SREK1: variants seen among roughly 807,000 people sequenced by gnomAD.
SREK1 encodes splicing regulatory glutamine/lysine-rich protein 1.
SREK1 carries 13 observed loss-of-function variants against 66.5 expected under a neutral mutation model. The ratio of observed to expected loss-of-function variants is 0.20; its 90% CI spans 0.13 to 0.31. The LOEUF is 0.31. SREK1 is among the 10% of genes least tolerant of loss of function. The pLI, the probability that SREK1 is intolerant of heterozygous loss-of-function variation, is 1.00. For synonymous variants in SREK1, 265 were observed against 263.5 expected (o/e 1.01, Z -0.05); for missense variants, 607 against 769.6 (o/e 0.79, Z 2.50).
At position 66,154,097 on chromosome 5, in the gene SREK1, A is replaced by AT. The variant is rs532693728; in HGVS notation, c.295+501_295+502insT. On this transcript the variant is annotated intron_variant, in intron 2 of 11. Coordinates refer to ENST00000334121, the MANE Select transcript of SREK1 (RefSeq NM_001077199.3). Reference sequence around the variant, plus strand: ...GAGATCATTATTTTATATTCAATGTAATTGTTTGCTTTGCAACTGGAATTT... The same window carrying AT: ...GAGATCATTATTTTATATTCAATGTATATTGTTTGCTTTGCAACTGGAATTT... 9.5e-4 allele frequency among the ~76,000 whole-genome samples: 145 copies of AT among 152,262 alleles called. 1 individual carries two copies. The highest frequency in any genetic ancestry group is 3.4e-3 in the Middle Eastern group (1 of 294).
At chr5:66,171,067 C>T (rs191462520) in intron 9 of SREK1, 120 bp downstream of exon 9, 30 of 1,203,384 alleles carry the variant, frequency 2.5e-5, no homozygotes, top group Middle Eastern at 4.1e-4. Context: ...AATATAAGAA[C>T]ATTTTCTCCT....
intron 10 of SREK1, among the ~76,000 whole-genome samples, chr5:66,176,615 T>TA (rs1362317936): frequency 2.0e-5 from 3 of 152,160 alleles, no homozygotes; most frequent in Non-Finnish European, 4.4e-5. Context: ...CTCAGGGTGA[T>TA]ATGGCTGTAG....
chr5:66,176,649 T>C (rs1746078843), intron 10 of SREK1, among the ~76,000 whole-genome samples: 1 of 152,120 alleles, frequency 6.6e-6, no homozygotes, highest in Admixed American at 6.6e-5. Context: ...TATATCTTAT[T>C]AGGCCATCAT....
At chr5:66,171,406 G>A (rs1045669981) in intron 9 of SREK1, among the ~76,000 whole-genome samples, 2 of 151,970 alleles carry the variant, frequency 1.3e-5, no homozygotes, top group African/African-American at 4.8e-5. Context: ...TTTAAATTTT[G>A]GTCGTGTTTT....
chr5:66,157,117 A>T, intron 2 of SREK1: 3 of 948,348 alleles, frequency 3.2e-6, no homozygotes, highest in Non-Finnish European at 3.8e-6. Flanking sequence ...GAGTAATTAG[A>T]ATGGTAATTG....
At chr5:66,176,167 A>G (rs1746037061) in intron 10 of SREK1, among the ~76,000 whole-genome samples, 1 of 152,064 alleles carries the variant, frequency 6.6e-6, no homozygotes, top group Non-Finnish European at 1.5e-5. Flanking sequence ...TTGCAGTACC[A>G]TTTGTTAAAA....
chr5:66,145,295 C>A, intron 1 of SREK1: 1 of 416,486 alleles, frequency 2.4e-6, no homozygotes, highest in Non-Finnish European at 3.2e-6. Flanking sequence ...GGTAAAATTT[C>A]CCTCGTACGA....
chr5:66,162,044 G>T lies in SREK1; in HGVS notation c.412-65G>T, dbSNP rs879045873. 32 of 1,538,504 alleles carry T rather than the reference G, an allele frequency of 2.1e-5. No individual in the cohort carries two copies. The South Asian group carries it at 4.1e-4, about 20-fold the overall frequency. ...TTAGTTCATTCTTTTCAAGATTAGA[G>T]AATGGTATCTTTGGATACTAATAGA... On this transcript the variant is annotated intron_variant, in intron 3 of 11. Transcript: ENST00000334121.
chr5:66,172,128 A>G (rs1392048503), intron 9 of SREK1, among the ~76,000 whole-genome samples: 1 of 152,198 alleles, frequency 6.6e-6, no homozygotes, highest in African/African-American at 2.4e-5. Flanking sequence ...TTGAAGAATT[A>G]ATGTAACCTC....
At position 66,162,476 on chromosome 5, in the gene SREK1, G is replaced by C; in HGVS notation, c.639G>C (p.Arg213=). 6.2e-7 allele frequency: 1 copy of C among 1,614,108 alleles called. No individual in the cohort carries two copies. The stretch of plus-strand genomic sequence containing the variant: ...AAGTTGGAGAAGTGAAGTTTGTGCG[G>C]ATGGCAGGTGATGAGACTCAGCCAA... ...FKQVGEVKFV[R]MAGDETQPTR... The change falls in exon 5 of 12, where the codon CGG becomes CGC. Residue 213 remains arginine (R), a synonymous_variant. Transcript: ENST00000334121.
intron 1 of SREK1, among the ~76,000 whole-genome samples, chr5:66,151,484 TATG>T (rs1490911647): frequency 2.6e-5 from 4 of 152,166 alleles, no homozygotes; most frequent in Non-Finnish European, 4.4e-5. Context: ...ACTTGGGTAG[TATG>T]ATATCTTTTA....
intron 7 of SREK1, chr5:66,168,810 T>C (rs1745382351): frequency 6.6e-6 from 1 of 152,186 alleles, no homozygotes; most frequent in Non-Finnish European, 1.5e-5. Flanking sequence ...GGATATAAAG[T>C]TTACATTTAT....
chr5:66,170,193 A>G (rs758458591), intron 8 of SREK1, 23 bp downstream of exon 8: 3 of 1,597,762 alleles, frequency 1.9e-6, no homozygotes, highest in Non-Finnish European at 1.7e-6. Flanking sequence ...GAAATTAACA[A>G]TAATTTTTTT....
At position 66,144,550 on chromosome 5, in the gene SREK1, GC is replaced by G. The variant is rs764760063; in HGVS notation, c.161+14del. On this transcript the variant is annotated intron_variant, in intron 1 of 11. Coordinates refer to ENST00000334121, the MANE Select transcript of SREK1 (RefSeq NM_001077199.3). ...TCTACCCCCCGGAGTAAGTGCTGGAGCTCGGCTGGGGGAGGGGCGCGGGCGC... is the reference window on the plus strand; with the variant it reads ...TCTACCCCCCGGAGTAAGTGCTGGAGTCGGCTGGGGGAGGGGCGCGGGCGC... 2 of 1,546,612 alleles carry G rather than the reference GC, an allele frequency of 1.3e-6. No homozygotes were observed. Among genetic ancestry groups the G allele is most frequent in the East Asian group, 2.5e-5 (1 of 40,690 alleles).
Position 66,145,467 on chromosome 5 carries a change from A to G in SREK1, c.161+930A>G, listed in dbSNP as rs191732564. The stretch of plus-strand genomic sequence containing the variant: ...AAGGGGTAATTGTTACCCAAGATTT[A>G]TTTCTTTAAAAAAATTTTGATTTAT... On this transcript the variant is annotated intron_variant, in intron 1 of 11. Coordinates refer to ENST00000334121, the MANE Select transcript of SREK1 (RefSeq NM_001077199.3). Among the ~76,000 whole-genome samples, 485 of 152,142 alleles carry G rather than the reference A, an allele frequency of 3.2e-3. 4 individuals are homozygous for G. Among genetic ancestry groups the G allele is most frequent in the South Asian group, 0.019 (93 of 4,822 alleles).
chr5:66,163,140 T>C (rs553966322), intron 5 of SREK1: 1 of 152,398 alleles, frequency 6.6e-6, no homozygotes, highest in South Asian at 2.1e-4. Flanking sequence ...ATATATAGTT[T>C]TGCTTGAATT....
intron 1 of SREK1, among the ~76,000 whole-genome samples, chr5:66,153,153 AC>A (rs1177911734): frequency 6.6e-6 from 1 of 152,152 alleles, no homozygotes; most frequent in Non-Finnish European, 1.5e-5. Context: ...CATATGATAC[AC>A]TTTTTGAGTT....
chr5:66,157,136 T>G (rs1274808732), intron 2 of SREK1: 1 of 945,762 alleles, frequency 1.1e-6, no homozygotes, highest in African/African-American at 1.8e-5. Flanking sequence ...TGAAAGTTAA[T>G]TTATTAAAAA....
In SREK1 at chr5:66,162,404, G is replaced by C. The variant is rs554166078; in HGVS notation, c.577-10G>C. ...ATATATTTTATCAAAGTGTCACTTT[G>C]TTCCCTTAGACAACGACAGCTGATC... On this transcript the variant is annotated splice_polypyrimidine_tract_variant and intron_variant, in intron 4 of 11. Coordinates refer to ENST00000334121, the MANE Select transcript of SREK1 (RefSeq NM_001077199.3). 6.2e-7 allele frequency: 1 copy of C among 1,613,086 alleles called. No individual in the cohort carries two copies. Among genetic ancestry groups the C allele is most frequent in the Non-Finnish European group, 8.5e-7 (1 of 1,179,314 alleles).
Sources: allele counts gnomAD v4.1 joint callset (sites outside exome capture counted in the v4.1 genomes callset), GRCh38; gene constraint gnomAD v4.1.1; transcripts MANE v1.5; gene names NCBI Gene and HGNC (gene_info 2026-07-23, HGNC 2026-07-21).